The following ANKRD13C variants were observed in gnomAD, a reference collection of about 807,000 sequenced individuals.
ANKRD13C encodes ankyrin repeat domain-containing protein 13C.
In ANKRD13C, 16 loss-of-function variants were observed where a neutral mutation model predicts 65.5. The observed-to-expected ratio is 0.24, with a 90% confidence interval of 0.17 to 0.37. The LOEUF (loss-of-function observed/expected upper bound fraction) is 0.37, where lower values mean the gene tolerates loss of function less well. Ranked by LOEUF, ANKRD13C falls within the 10% of genes least tolerant of loss-of-function variation. ANKRD13C has a pLI of 1.00. For missense variants in ANKRD13C, 503 were observed against 655.9 expected (o/e 0.77, Z 2.55); for synonymous variants, 235 against 238.7 (o/e 0.98, Z 0.14).
chr1:70,354,586 T>C lies in ANKRD13C; in HGVS notation c.-178A>G. The C allele has an allele frequency of 1.4e-6, 2 of 1,398,890 alleles. No individual in the cohort carries two copies. Among genetic ancestry groups the C allele is most frequent in the Non-Finnish European group, 1.9e-6 (2 of 1,067,832 alleles). The allele number at this position is 1,398,890 out of a possible 1,614,324, so 86.7% of individuals were successfully genotyped here. The stretch of plus-strand genomic sequence containing the variant: ...TCCCGGGGAAGAGCCGGCTCTCGCC[T>C]AGGCACGAAGGGACGCGCGCTCGCT... On this transcript the variant is annotated 5_prime_UTR_variant, in exon 1 of 13. Coordinates refer to ENST00000370944, the MANE Select transcript of ANKRD13C (RefSeq NM_030816.5).
intron 11 of ANKRD13C, among the ~76,000 whole-genome samples, chr1:70,273,896 T>A (rs1205280193): frequency 1.3e-5 from 2 of 151,776 alleles, no homozygotes; most frequent in Non-Finnish European, 2.9e-5. Flanking sequence ...CCTCAGATGA[T>A]CCGCCCACCT....
intron 5 of ANKRD13C, among the ~76,000 whole-genome samples, chr1:70,311,095 A>G (rs1015792923): frequency 6.6e-6 from 1 of 152,238 alleles, no homozygotes; most frequent in African/African-American, 2.4e-5. Flanking sequence ...AGGATTAAAC[A>G]CACTAGAAAA....
chr1:70,327,834 G>T (rs1353141584), intron 2 of ANKRD13C, among the ~76,000 whole-genome samples: 1 of 152,120 alleles, frequency 6.6e-6, no homozygotes, highest in African/African-American at 2.4e-5. Flanking sequence ...GGAGGCCAAG[G>T]GGGGCGGATC....
intron 1 of ANKRD13C, among the ~76,000 whole-genome samples, chr1:70,342,303 G>A (rs943996854): frequency 6.6e-6 from 1 of 152,124 alleles, no homozygotes; most frequent in Non-Finnish European, 1.5e-5. Context: ...ACTTTAGGAG[G>A]CAGAAGTGGG....
chr1:70,309,698 A>G (rs1368291653), intron 5 of ANKRD13C, among the ~76,000 whole-genome samples: 15 of 147,190 alleles, frequency 1.0e-4, no homozygotes, highest in Admixed American at 9.5e-4. Flanking sequence ...CCTGGGCGAC[A>G]GAGCCAGACT....
intron 6 of ANKRD13C, among the ~76,000 whole-genome samples, chr1:70,303,367 T>C (rs529100912): frequency 6.6e-6 from 1 of 152,292 alleles, no homozygotes; most frequent in South Asian, 2.1e-4. Flanking sequence ...AAGTTCTTTA[T>C]ACAAATGCAA....
At chr1:70,305,638 A>G (rs1443477005) in intron 6 of ANKRD13C, 1 of 151,806 alleles carries the variant, frequency 6.6e-6, no homozygotes, top group African/African-American at 2.4e-5. Flanking sequence ...AAAGCAAAAT[A>G]AAGAATCATG....
At chr1:70,313,134 ATT>A (rs1428952369) in intron 5 of ANKRD13C, among the ~76,000 whole-genome samples, 1 of 152,150 alleles carries the variant, frequency 6.6e-6, no homozygotes, top group Non-Finnish European at 1.5e-5. Context: ...CCCATAATTA[ATT>A]TTCTTTTCTG....
intron 10 of ANKRD13C, among the ~76,000 whole-genome samples, chr1:70,276,306 A>T (rs892692615): frequency 3.3e-5 from 5 of 152,198 alleles, no homozygotes; most frequent in Non-Finnish European, 5.9e-5. Flanking sequence ...GAAGTAGTCT[A>T]GCATAGGTTG....
chr1:70,261,619 A>C lies in ANKRD13C; in HGVS notation c.*1098T>G, dbSNP rs538958449. On this transcript the variant is annotated 3_prime_UTR_variant, in exon 13 of 13. Coordinates refer to ENST00000370944, the MANE Select transcript of ANKRD13C (RefSeq NM_030816.5). ...GAAATCAATATTTTCCTGTGATTTA[A>C]AAAAAATAATAGGAGTAATCAATCT... 1 of 152,452 alleles carries C rather than the reference A, an allele frequency of 6.6e-6. No individual in the cohort carries two copies. The highest frequency in any genetic ancestry group is 1.9e-4 in the East Asian group (1 of 5,192). 9.4% of individuals were successfully genotyped at this position (152,452 alleles called of 1,614,324 possible). A position where few individuals can be genotyped will look rare whatever the true frequency, so the allele number is the denominator to read the frequency against.
At chr1:70,294,158 A>G (rs1038952545) in intron 8 of ANKRD13C, among the ~76,000 whole-genome samples, 5 of 152,232 alleles carry the variant, frequency 3.3e-5, no homozygotes, top group African/African-American at 1.2e-4. Flanking sequence ...AACAGTAGAT[A>G]CGATATGACA....
chr1:70,346,343 G>A (rs1298809688), intron 1 of ANKRD13C, among the ~76,000 whole-genome samples: 1 of 152,026 alleles, frequency 6.6e-6, no homozygotes, highest in African/African-American at 2.4e-5. Flanking sequence ...TAATTTGCAT[G>A]GCAGTGAACA....
intron 11 of ANKRD13C, among the ~76,000 whole-genome samples, chr1:70,273,390 T>C (rs1678981338): frequency 6.6e-6 from 1 of 152,158 alleles, no homozygotes. Context: ...CCTAAAACTA[T>C]AGTTGTATCA....
chr1:70,287,193 AT>A (rs1266134431), intron 9 of ANKRD13C, among the ~76,000 whole-genome samples: 4 of 152,116 alleles, frequency 2.6e-5, no homozygotes, highest in Non-Finnish European at 5.9e-5. Flanking sequence ...TCTGAGAGAA[AT>A]TATAGAGAAT....
chr1:70,336,374 T>C (rs1682023434), intron 1 of ANKRD13C, among the ~76,000 whole-genome samples: 1 of 152,196 alleles, frequency 6.6e-6, no homozygotes, highest in Non-Finnish European at 1.5e-5. Flanking sequence ...GCTGCTAATT[T>C]CTCTTTCACA....
chr1:70,304,790 T>C (rs1680518874), intron 6 of ANKRD13C, among the ~76,000 whole-genome samples: 1 of 152,218 alleles, frequency 6.6e-6, no homozygotes, highest in African/African-American at 2.4e-5. Context: ...TAAAAATGTC[T>C]AAATTAATGA....
chr1:70,267,977 A>G (rs540500248), intron 12 of ANKRD13C, among the ~76,000 whole-genome samples: 3 of 152,322 alleles, frequency 2.0e-5, no homozygotes, highest in Admixed American at 2.0e-4. Context: ...TAGGCTTTCA[A>G]ATAGCTTGGC....
chr1:70,345,344 G>A (rs1346238587), intron 1 of ANKRD13C, among the ~76,000 whole-genome samples: 2 of 151,770 alleles, frequency 1.3e-5, no homozygotes, highest in South Asian at 2.1e-4. Flanking sequence ...CAGGAGAATC[G>A]CTTGAACCCA....
intron 8 of ANKRD13C, among the ~76,000 whole-genome samples, chr1:70,293,908 TATAAC>T (rs1405077472): frequency 6.6e-6 from 1 of 152,200 alleles, no homozygotes; most frequent in Non-Finnish European, 1.5e-5. Context: ...TCTTGCTACT[TATAAC>T]AGGCAAAGGC....
Sources: gnomAD v4.1 joint callset for allele counts (sites outside exome capture counted in the v4.1 genomes callset) on GRCh38, gnomAD v4.1.1 for gene constraint, MANE v1.5 for transcripts, NCBI Gene and HGNC (gene_info 2026-07-23, HGNC 2026-07-21) for gene names.